Variants in TENM2 observed in about 807,000 individuals in gnomAD.
TENM2 encodes the protein teneurin transmembrane protein 2.
In TENM2, 52 loss-of-function variants were observed where a neutral mutation model predicts 245.2. That is an observed-to-expected ratio of 0.21 (90% CI 0.17 to 0.27). The LOEUF is 0.27. TENM2 is among the 10% of genes least tolerant of loss of function. The pLI is 1.00. For missense variants in TENM2, 3,046 were observed against 3,666.8 expected, an observed-to-expected ratio of 0.83 and a Z score of 4.37; for synonymous variants, 1,363 against 1,438.9, an observed-to-expected ratio of 0.95 and a Z score of 1.19.
the TENM2 span, among the ~76,000 whole-genome samples, chr5:167,134,988 T>C: frequency 6.6e-6 from 1 of 152,236 alleles, no homozygotes; most frequent in Non-Finnish European, 1.5e-5. Flanking sequence ...TATTCATTAA[T>C]ACAAAATACA....
At chr5:167,905,291 G>A (rs1248374942) in intron 3 of TENM2, among the ~76,000 whole-genome samples, 1 of 152,184 alleles carries the variant, frequency 6.6e-6, no homozygotes, top group Non-Finnish European at 1.5e-5. Flanking sequence ...GGAAAAGGGG[G>A]AAATAGGCAC....
At chr5:168,118,452 C>T in exon 10 of TENM2, 3 of 1,593,260 alleles carry the variant, frequency 1.9e-6, no homozygotes, top group South Asian at 2.3e-5. Flanking sequence ...ACTGTGTCTG[C>T]TCTGCTGGCT....
chr5:166,998,235 C>T, the TENM2 span, among the ~76,000 whole-genome samples: 2 of 152,050 alleles, frequency 1.3e-5, no homozygotes, highest in South Asian at 2.1e-4. Flanking sequence ...AGAGAGGAAG[C>T]GAGTCCATGA....
intron 2 of TENM2, among the ~76,000 whole-genome samples, chr5:167,868,378 T>C (rs1772514296): frequency 6.6e-6 from 1 of 151,978 alleles, no homozygotes; most frequent in African/African-American, 2.4e-5. Context: ...ATACATAATA[T>C]GATATAAATA....
At chr5:167,280,074 C>A (rs1332871510), upstream of TENM2, among the ~76,000 whole-genome samples, 1 of 152,278 alleles carries the variant, frequency 6.6e-6, no homozygotes, top group East Asian at 1.9e-4. Flanking sequence ...GAAGGAGGAA[C>A]CTACCTCATT....
At chr5:167,970,093 A>G (rs865964141) in intron 4 of TENM2, among the ~76,000 whole-genome samples, 1 of 152,230 alleles carries the variant, frequency 6.6e-6, no homozygotes, top group Non-Finnish European at 1.5e-5. Flanking sequence ...CCAGGCAGAC[A>G]CAGTCCCGGC....
At chr5:167,983,924 A>G (rs570062428) in intron 4 of TENM2, among the ~76,000 whole-genome samples, 78 of 152,266 alleles carry the variant, frequency 5.1e-4, no homozygotes, top group African/African-American at 1.8e-3. Context: ...GGTCAAGGAG[A>G]TTTAGTAATG....
intron 2 of TENM2, among the ~76,000 whole-genome samples, chr5:167,452,790 G>C (rs1765661615): frequency 6.6e-6 from 1 of 151,196 alleles, no homozygotes; most frequent in Admixed American, 6.6e-5. Context: ...GTGGGGTAGG[G>C]GGAGCGGGGA....
chr5:168,222,157 A>C (rs1406207950), intron 23 of TENM2, among the ~76,000 whole-genome samples: 1 of 152,222 alleles, frequency 6.6e-6, no homozygotes, highest in African/African-American at 2.4e-5. Flanking sequence ...ATAGAGACTT[A>C]TTTTGGAAAA....
chr5:167,822,850 A>G (rs1190916670), intron 2 of TENM2, among the ~76,000 whole-genome samples: 2 of 152,212 alleles, frequency 1.3e-5, no homozygotes, highest in Non-Finnish European at 1.5e-5. Context: ...ATGCAATTGC[A>G]TTTCTACTTT....
At chr5:167,003,917 C>G in the TENM2 span, among the ~76,000 whole-genome samples, 1 of 152,124 alleles carries the variant, frequency 6.6e-6, no homozygotes, top group Non-Finnish European at 1.5e-5. Flanking sequence ...ATACTCAACT[C>G]TCAGTTATAG....
intron 2 of TENM2, among the ~76,000 whole-genome samples, chr5:167,629,188 AT>A (rs1778706632): frequency 6.6e-6 from 1 of 152,182 alleles, no homozygotes; most frequent in Non-Finnish European, 1.5e-5. Flanking sequence ...TAGTGTTAAC[AT>A]TTTGACTTCT....
At chr5:167,884,921 AC>A (rs1292852322) in intron 3 of TENM2, among the ~76,000 whole-genome samples, 1 of 152,132 alleles carries the variant, frequency 6.6e-6, no homozygotes, top group Admixed American at 6.5e-5. Flanking sequence ...AATACTTGTT[AC>A]CTTCTGTGTT....
chr5:167,544,532 T>A (rs1375955352), intron 2 of TENM2, among the ~76,000 whole-genome samples: 3 of 152,220 alleles, frequency 2.0e-5, no homozygotes, highest in Non-Finnish European at 2.9e-5. Flanking sequence ...ACTTTTATTC[T>A]ATTATATCTC....
At chr5:167,825,462 G>A (rs1767891932) in intron 2 of TENM2, among the ~76,000 whole-genome samples, 1 of 152,218 alleles carries the variant, frequency 6.6e-6, no homozygotes. Flanking sequence ...TTGCTTAGAA[G>A]AGCAGAAGGG....
intron 1 of TENM2, among the ~76,000 whole-genome samples, chr5:167,316,550 A>T (rs1756374854): frequency 6.6e-6 from 1 of 152,196 alleles, no homozygotes; most frequent in African/African-American, 2.4e-5. Flanking sequence ...GTTAGGTATG[A>T]GTATCCATAC....
chr5:167,043,247 T>C, the TENM2 span, among the ~76,000 whole-genome samples: 2,592 of 152,312 alleles, frequency 0.017, 40 homozygotes, highest in Non-Finnish European at 0.024. Context: ...AACAAAATGA[T>C]TGAAAAGATA....
At chr5:167,968,359 G>A (rs972561577) in intron 4 of TENM2, among the ~76,000 whole-genome samples, 1 of 152,022 alleles carries the variant, frequency 6.6e-6, no homozygotes. Context: ...TAACTGTTTA[G>A]GAGTGAGGAA....
chr5:168,152,824 A>T (rs1756773010), intron 12 of TENM2, among the ~76,000 whole-genome samples: 1 of 152,056 alleles, frequency 6.6e-6, no homozygotes, highest in Non-Finnish European at 1.5e-5. Flanking sequence ...TCTGCTTCTT[A>T]CAAGTTGAAA....
Sources: allele counts gnomAD v4.1 joint callset (sites outside exome capture counted in the v4.1 genomes callset), GRCh38; gene constraint gnomAD v4.1.1; transcripts MANE v1.5; gene names NCBI Gene and HGNC (gene_info 2026-07-23, HGNC 2026-07-21).